Variants in SMOC2 observed in about 807,000 individuals in gnomAD.
SMOC2 encodes the protein SPARC-related modular calcium-binding protein 2.
SMOC2 carries 39 observed loss-of-function variants against 61.4 expected under a neutral mutation model. That is an observed-to-expected ratio of 0.64 (90% CI 0.49 to 0.83). The LOEUF is 0.83. Among genes scored for constraint, SMOC2 ranks in the 40% least tolerant of loss-of-function variants. SMOC2 has a pLI of 0.00. For missense variants in SMOC2, 556 were observed against 592.9 expected (o/e 0.94, Z 0.65); for synonymous variants, 247 against 239.9 (o/e 1.03, Z -0.27).
chr6:168,620,460 C>G (rs2115230214), intron 9 of SMOC2, among the ~76,000 whole-genome samples: 1 of 152,190 alleles, frequency 6.6e-6, no homozygotes, highest in Middle Eastern at 3.4e-3. Context: ...GTTTATGACC[C>G]TGGGATGAAT....
chr6:168,512,951 A>ATG (rs1783043223), intron 2 of SMOC2, among the ~76,000 whole-genome samples: 1 of 152,250 alleles, frequency 6.6e-6, no homozygotes, highest in Non-Finnish European at 1.5e-5. Flanking sequence ...ATCTATATAT[A>ATG]TACAAATTTC....
intron 9 of SMOC2, among the ~76,000 whole-genome samples, chr6:168,631,380 A>G (rs1401345997): frequency 1.3e-5 from 2 of 152,220 alleles, no homozygotes; most frequent in Non-Finnish European, 2.9e-5. Flanking sequence ...TGAAGTAGGT[A>G]CACACTGGGT....
intron 1 of SMOC2, among the ~76,000 whole-genome samples, chr6:168,457,418 G>A (rs1011880547): frequency 6.6e-6 from 1 of 152,140 alleles, no homozygotes; most frequent in Non-Finnish European, 1.5e-5. Flanking sequence ...AGCGACAAAC[G>A]GCACCCACCG....
intron 9 of SMOC2, among the ~76,000 whole-genome samples, chr6:168,645,249 C>T (rs1328510317): frequency 1.3e-5 from 2 of 152,174 alleles, no homozygotes; most frequent in Admixed American, 6.5e-5. Flanking sequence ...TAAAAAGTCT[C>T]ATTTTCTGTC....
At chr6:168,599,083 TCCC>T in intron 8 of SMOC2, 79 bp downstream of exon 8, 2 of 1,303,480 alleles carry the variant, frequency 1.5e-6, no homozygotes, top group Non-Finnish European at 1.0e-6. Flanking sequence ...AACCCCCACT[TCCC>T]CCAACACACA....
chr6:168,538,198 T>A (rs1404885227), intron 4 of SMOC2, among the ~76,000 whole-genome samples: 1 of 127,312 alleles, frequency 7.9e-6, no homozygotes, highest in African/African-American at 3.1e-5. Context: ...CCTGCTGGAA[T>A]CTGGGGAGTG....
intron 5 of SMOC2, among the ~76,000 whole-genome samples, chr6:168,545,630 G>A (rs915981600): frequency 2.0e-5 from 3 of 152,166 alleles, no homozygotes; most frequent in Non-Finnish European, 2.9e-5. Context: ...AATCAGGGCT[G>A]GGAGGAGGAA....
At chr6:168,527,083 G>C (rs1388197526) in intron 3 of SMOC2, among the ~76,000 whole-genome samples, 1 of 152,242 alleles carries the variant, frequency 6.6e-6, no homozygotes, top group Non-Finnish European at 1.5e-5. Flanking sequence ...ACTTTGACAT[G>C]CCTGGGGCCC....
chr6:168,530,220 G>A (rs1004958126), intron 4 of SMOC2, among the ~76,000 whole-genome samples: 1 of 152,124 alleles, frequency 6.6e-6, no homozygotes, highest in Non-Finnish European at 1.5e-5. Context: ...CAGCCACAGC[G>A]GAGGGAAACG....
chr6:168,492,180 A>T lies in SMOC2; in HGVS notation c.85-17735A>T, dbSNP rs9456132. 9.2e-3 allele frequency among the ~76,000 whole-genome samples: 1,395 copies of T among 152,338 alleles called. 23 individuals are homozygous for T. The highest frequency in any genetic ancestry group is 0.032 in the African/African-American group (1,333 of 41,574). ...GAAAGGAAAAATATAGGACTTACCT[A>T]TCTAAATGAGAAAAGTCAGTTGTAT... On this transcript the variant is annotated intron_variant, in intron 1 of 12. Coordinates refer to ENST00000356284, the MANE Select transcript of SMOC2 (RefSeq NM_001166412.2).
chr6:168,467,065 C>T (rs1314207626), intron 1 of SMOC2, among the ~76,000 whole-genome samples: 6 of 151,682 alleles, frequency 4.0e-5, no homozygotes, highest in African/African-American at 1.2e-4. Flanking sequence ...GGGAACTCCA[C>T]GTTTCGGGAG....
chr6:168,450,956 A>T (rs1008051219), intron 1 of SMOC2, among the ~76,000 whole-genome samples: 1 of 152,120 alleles, frequency 6.6e-6, no homozygotes, highest in Non-Finnish European at 1.5e-5. Flanking sequence ...CTAGATTTTC[A>T]TCTTGATTCC....
intron 1 of SMOC2, among the ~76,000 whole-genome samples, chr6:168,484,168 A>G (rs1040661779): frequency 3.9e-5 from 6 of 152,242 alleles, no homozygotes; most frequent in African/African-American, 1.4e-4. Context: ...ATGGAATGAG[A>G]GAAAATATTT....
chr6:168,547,464 A>C (rs2115104251), intron 6 of SMOC2, among the ~76,000 whole-genome samples: 1 of 152,234 alleles, frequency 6.6e-6, no homozygotes, highest in South Asian at 2.1e-4. Context: ...GCGAAGCTGC[A>C]GTTACGTGGG....
chr6:168,465,091 G>A (rs1781798126), intron 1 of SMOC2, among the ~76,000 whole-genome samples: 1 of 152,254 alleles, frequency 6.6e-6, no homozygotes, highest in South Asian at 2.1e-4. Flanking sequence ...CCCCATGGAA[G>A]GAAGGGAACC....
intron 8 of SMOC2, among the ~76,000 whole-genome samples, chr6:168,600,552 C>G (rs117060047): frequency 1.3e-5 from 2 of 152,102 alleles, no homozygotes; most frequent in African/African-American, 4.8e-5. Context: ...TCACAGGCAG[C>G]GCTGGCTCTT....
At position 168,605,291 on chromosome 6, in the gene SMOC2, G is replaced by A. The variant is rs142713099; in HGVS notation, c.825-2866G>A. Among the ~76,000 whole-genome samples the A allele has an allele frequency of 8.8e-3, 1,334 of 152,238 alleles. 22 individuals are homozygous for A. The highest frequency in any genetic ancestry group is 0.028 in the African/African-American group (1,152 of 41,556). ...AGCCTCTGTTCCCCAACCCCAGAGC[G>A]TGTCTTTCAGTGGGGTGTGCAGGGG... is the stretch of plus-strand genomic sequence containing the variant. On this transcript the variant is annotated intron_variant, in intron 8 of 12. Transcript: ENST00000356284.
At chr6:168,625,740 A>C (rs115099176) in intron 9 of SMOC2, among the ~76,000 whole-genome samples, 3,024 of 152,322 alleles carry the variant, frequency 0.02, 111 homozygotes, top group African/African-American at 0.07. Flanking sequence ...AGCAAATGAA[A>C]GCAAATGCGC....
chr6:168,646,519 T>C (rs879272013), intron 9 of SMOC2, among the ~76,000 whole-genome samples: 1 of 152,232 alleles, frequency 6.6e-6, no homozygotes, highest in Non-Finnish European at 1.5e-5. Context: ...AGAAACTACA[T>C]AAACTTACTG....
Sources: gnomAD v4.1 joint callset for allele counts (sites outside exome capture counted in the v4.1 genomes callset) on GRCh38, gnomAD v4.1.1 for gene constraint, MANE v1.5 for transcripts, NCBI Gene and HGNC (gene_info 2026-07-23, HGNC 2026-07-21) for gene names.